Variants in TNFSF4 observed in about 807,000 individuals in gnomAD.
The protein encoded by TNFSF4 is tumor necrosis factor ligand superfamily member 4.
In TNFSF4, 4 loss-of-function variants were observed where a neutral mutation model predicts 7.3. That is an observed-to-expected ratio of 0.55 (90% CI 0.27 to 1.25). The LOEUF (loss-of-function observed/expected upper bound fraction) is 1.25. Among genes scored for constraint, TNFSF4 ranks in the 50% most tolerant of loss-of-function variants. TNFSF4 has a pLI of 0.12. For synonymous variants in TNFSF4, 76 were observed against 83.7 expected, an observed-to-expected ratio of 0.91 and a Z score of 0.50; for missense variants, 181 against 208.8, an observed-to-expected ratio of 0.87 and a Z score of 0.82.
the TNFSF4 span, among the ~76,000 whole-genome samples, chr1:173,370,264 T>C: frequency 6.6e-6 from 1 of 152,208 alleles, no homozygotes; most frequent in Non-Finnish European, 1.5e-5. Flanking sequence ...ATGAAAAGAA[T>C]GCGGCTTTAG....
downstream of TNFSF4, among the ~76,000 whole-genome samples, chr1:173,181,361 C>T (rs981520367): frequency 6.6e-6 from 1 of 152,118 alleles, no homozygotes; most frequent in Non-Finnish European, 1.5e-5. Context: ...AAAATCAGGT[C>T]TTATGTCCAC....
the TNFSF4 span, among the ~76,000 whole-genome samples, chr1:173,435,960 G>T: frequency 6.6e-6 from 1 of 152,188 alleles, no homozygotes; most frequent in Non-Finnish European, 1.5e-5. Context: ...CTCAGAAGTA[G>T]AATTACTAAG....
intron 1 of TNFSF4, among the ~76,000 whole-genome samples, chr1:173,193,768 CAAAAA>C (rs34461114): frequency 3.9e-5 from 4 of 101,910 alleles, no homozygotes; most frequent in Admixed American, 2.0e-4. Context: ...ATAAGTGAAG[CAAAAA>C]AAAAAAAAAA....
chr1:173,265,940 C>CCTCTAAA, the TNFSF4 span, among the ~76,000 whole-genome samples: 1 of 152,162 alleles, frequency 6.6e-6, no homozygotes, highest in Non-Finnish European at 1.5e-5. Context: ...AAACTCTTTT[C>CCTCTAAA]CTCTAAACTT....
the TNFSF4 span, among the ~76,000 whole-genome samples, chr1:173,381,192 A>G: frequency 2.2e-3 from 342 of 152,256 alleles, 2 homozygotes; most frequent in African/African-American, 7.8e-3. Flanking sequence ...CTTACTCTAC[A>G]ATCCCAAATA....
chr1:173,271,791 G>A, the TNFSF4 span, among the ~76,000 whole-genome samples: 7 of 152,210 alleles, frequency 4.6e-5, no homozygotes, highest in East Asian at 7.8e-4. Context: ...ACAGTGTGGC[G>A]ATTCCTCAAG....
intron 1 of TNFSF4, 54 bp from the exon 2 acceptor site, chr1:173,188,623 T>C (rs1649338429): frequency 1.4e-6 from 2 of 1,466,472 alleles, no homozygotes; most frequent in East Asian, 2.3e-5. Flanking sequence ...CAAATGAAAT[T>C]CGCAAGTCAT....
intron 1 of TNFSF4, among the ~76,000 whole-genome samples, chr1:173,195,120 C>G: frequency 6.6e-6 from 1 of 152,014 alleles, no homozygotes; most frequent in East Asian, 1.9e-4. Context: ...TGATAACATC[C>G]CTTCTCTTTA....
chr1:173,208,367 T>A (rs1052217958), upstream of TNFSF4, among the ~76,000 whole-genome samples: 1 of 152,122 alleles, frequency 6.6e-6, no homozygotes, highest in African/African-American at 2.4e-5. Context: ...ACCCAGCAGA[T>A]ATGTAAAGAA....
the TNFSF4 span, among the ~76,000 whole-genome samples, chr1:173,430,274 A>G: frequency 3.9e-5 from 6 of 152,350 alleles, no homozygotes; most frequent in South Asian, 1.2e-3. Context: ...ACATTGTTTC[A>G]TCTTGAATGC....
the TNFSF4 span, among the ~76,000 whole-genome samples, chr1:173,438,435 T>A: frequency 6.6e-6 from 1 of 152,160 alleles, no homozygotes; most frequent in Non-Finnish European, 1.5e-5. Flanking sequence ...TTAAAAAGTA[T>A]CTCACTGTAG....
At chr1:173,222,910 T>C in the TNFSF4 span, among the ~76,000 whole-genome samples, 1 of 152,172 alleles carries the variant, frequency 6.6e-6, no homozygotes, top group African/African-American at 2.4e-5. Flanking sequence ...TAGGGCCCAC[T>C]CTTACCCCAG....
chr1:173,215,632 C>A, the TNFSF4 span, among the ~76,000 whole-genome samples: 1 of 152,144 alleles, frequency 6.6e-6, no homozygotes, highest in African/African-American at 2.4e-5. Flanking sequence ...AACAAAAAAC[C>A]TGTAAGCCTT....
chr1:173,237,823 C>G, the TNFSF4 span, among the ~76,000 whole-genome samples: 1 of 152,112 alleles, frequency 6.6e-6, no homozygotes, highest in Non-Finnish European at 1.5e-5. Context: ...ATTAAAATGG[C>G]CATACTGCCC....
chr1:173,380,009 G>A, the TNFSF4 span, among the ~76,000 whole-genome samples: 8 of 152,198 alleles, frequency 5.3e-5, no homozygotes, highest in Non-Finnish European at 1.0e-4. Context: ...CTCACTGAGC[G>A]CCGGGTACGT....
chr1:173,419,121 C>G, the TNFSF4 span, among the ~76,000 whole-genome samples: 1 of 152,078 alleles, frequency 6.6e-6, no homozygotes, highest in South Asian at 2.1e-4. Flanking sequence ...GGGCAGATCA[C>G]GAGGTCAGGA....
At chr1:173,406,330 G>A in the TNFSF4 span, among the ~76,000 whole-genome samples, 1 of 152,136 alleles carries the variant, frequency 6.6e-6, no homozygotes, top group African/African-American at 2.4e-5. Flanking sequence ...ATTCTTGTCT[G>A]CCATAGGAAA....
chr1:173,268,909 C>G, the TNFSF4 span, among the ~76,000 whole-genome samples: 1 of 152,052 alleles, frequency 6.6e-6, no homozygotes, highest in African/African-American at 2.4e-5. Flanking sequence ...ATATTATGCA[C>G]CTACCATATT....
chr1:173,257,455 C>T, the TNFSF4 span, among the ~76,000 whole-genome samples: 4 of 152,212 alleles, frequency 2.6e-5, no homozygotes, highest in Admixed American at 6.5e-5. Context: ...TCACTTCAGG[C>T]GCCAGCTGCA....
Sources: gnomAD v4.1 joint callset for allele counts (sites outside exome capture counted in the v4.1 genomes callset) on GRCh38, gnomAD v4.1.1 for gene constraint, MANE v1.5 for transcripts, NCBI Gene and HGNC (gene_info 2026-07-23, HGNC 2026-07-21) for gene names.